CACNA2D1: variants seen among roughly 807,000 people sequenced by gnomAD.
The protein encoded by CACNA2D1 is calcium voltage-gated channel auxiliary subunit alpha2delta 1.
In CACNA2D1, 53 loss-of-function variants were observed where a neutral mutation model predicts 171.5. The observed-to-expected ratio is 0.31, with a 90% CI of 0.25 to 0.39. CACNA2D1 has a LOEUF of 0.39. Among genes scored for constraint, CACNA2D1 ranks in the 10% least tolerant of loss-of-function variants. The pLI is 1.00. For synonymous variants in CACNA2D1, 442 were observed against 443.1 expected, an observed-to-expected ratio of 1.00 and a Z score of 0.03; for missense variants, 903 against 1,299.8, an observed-to-expected ratio of 0.69 and a Z score of 4.69.
intron 3 of CACNA2D1, among the ~76,000 whole-genome samples, chr7:82,313,924 AAAAT>A (rs1210551116): frequency 6.6e-6 from 1 of 152,198 alleles, no homozygotes; most frequent in African/African-American, 2.4e-5. Flanking sequence ...TCAGCACTAA[AAAAT>A]AAAATCATAT....
intron 1 of CACNA2D1, among the ~76,000 whole-genome samples, chr7:82,361,191 A>C (rs1366560558): frequency 2.0e-5 from 3 of 152,194 alleles, no homozygotes. Flanking sequence ...TGAACATTCT[A>C]AACAGAAGAT....
chr7:81,951,969 G>GTTTTTTTTTTTTTTTTTTTTT (rs774805421), intron 38 of CACNA2D1, among the ~76,000 whole-genome samples: 34 of 71,880 alleles, frequency 4.7e-4, no homozygotes, highest in African/African-American at 7.3e-4. Context: ...TGTACAAAGT[G>GTTTTTTTTTTTTTTTTTTTTT]TTTTTTTTTT....
chr7:82,154,624 A>G (rs1315221528), intron 4 of CACNA2D1, among the ~76,000 whole-genome samples: 1 of 152,156 alleles, frequency 6.6e-6, no homozygotes, highest in Non-Finnish European at 1.5e-5. Flanking sequence ...ATGCACACAA[A>G]AAATACATGC....
At chr7:82,349,976 C>T (rs1819665175) in intron 1 of CACNA2D1, among the ~76,000 whole-genome samples, 1 of 152,172 alleles carries the variant, frequency 6.6e-6, no homozygotes, top group Non-Finnish European at 1.5e-5. Flanking sequence ...AAACTACAAA[C>T]TTTATCTTTT....
At chr7:82,436,794 G>T (rs1830146499) in intron 1 of CACNA2D1, among the ~76,000 whole-genome samples, 1 of 152,066 alleles carries the variant, frequency 6.6e-6, no homozygotes, top group Admixed American at 6.6e-5. Flanking sequence ...GTCTGCCTGA[G>T]CCCATTTATT....
chr7:82,187,169 C>G (rs935794908), intron 3 of CACNA2D1, among the ~76,000 whole-genome samples: 1 of 152,064 alleles, frequency 6.6e-6, no homozygotes, highest in Non-Finnish European at 1.5e-5. Flanking sequence ...CTAAAAGAAA[C>G]AAACAAACGC....
chr7:82,059,513 C>G (rs1806344323), intron 10 of CACNA2D1, among the ~76,000 whole-genome samples: 1 of 151,982 alleles, frequency 6.6e-6, no homozygotes, highest in Non-Finnish European at 1.5e-5. Context: ...AATCATACTG[C>G]CAAGTTGCTA....
At chr7:82,009,408 T>A (rs1799488779) in intron 15 of CACNA2D1, 1 of 152,150 alleles carries the variant, frequency 6.6e-6, no homozygotes, top group Non-Finnish European at 1.5e-5. Context: ...GAAACATCCT[T>A]AATTATATAA....
chr7:82,001,629 A>G (rs1003915313), intron 18 of CACNA2D1: 2 of 921,210 alleles, frequency 2.2e-6, no homozygotes, highest in East Asian at 1.1e-4. Flanking sequence ...ATTTGAAAGC[A>G]CTGTTAAGGC....
At chr7:82,344,448 C>T (rs1184396896) in intron 2 of CACNA2D1, among the ~76,000 whole-genome samples, 4 of 151,960 alleles carry the variant, frequency 2.6e-5, no homozygotes, top group East Asian at 1.9e-4. Context: ...AATTAACGGC[C>T]GGAAGAGAAT....
chr7:82,247,876 C>T (rs1239566634), intron 3 of CACNA2D1, among the ~76,000 whole-genome samples: 2 of 152,134 alleles, frequency 1.3e-5, no homozygotes, highest in African/African-American at 4.8e-5. Context: ...AGGGGACGGG[C>T]GAAGTCCCTT....
chr7:82,306,174 T>C (rs1385659662), intron 3 of CACNA2D1, among the ~76,000 whole-genome samples: 5 of 152,172 alleles, frequency 3.3e-5, no homozygotes, highest in African/African-American at 7.2e-5. Context: ...TTTATGTCCC[T>C]GAGAGTCTAC....
At chr7:82,364,465 T>C (rs1821451982) in intron 1 of CACNA2D1, among the ~76,000 whole-genome samples, 1 of 152,194 alleles carries the variant, frequency 6.6e-6, no homozygotes, top group African/African-American at 2.4e-5. Flanking sequence ...TTTAAAGACC[T>C]CCACTCTGTA....
intron 1 of CACNA2D1, among the ~76,000 whole-genome samples, chr7:82,356,115 C>T (rs935728536): frequency 1.3e-5 from 2 of 151,524 alleles, no homozygotes; most frequent in African/African-American, 2.4e-5. Flanking sequence ...GCATTGAGAC[C>T]TTATTTTATA....
intron 1 of CACNA2D1, among the ~76,000 whole-genome samples, chr7:82,356,723 GA>G (rs933488050): frequency 1.0e-4 from 15 of 146,868 alleles, no homozygotes; most frequent in Middle Eastern, 3.6e-3. Flanking sequence ...ATCCACATCA[GA>G]AAAAAAAAAT....
chr7:82,169,848 AG>A (rs1357524350), intron 4 of CACNA2D1, among the ~76,000 whole-genome samples: 9 of 108,254 alleles, frequency 8.3e-5, no homozygotes, highest in African/African-American at 2.5e-4. Flanking sequence ...CTGATTATTA[AG>A]GAATTTTTTT....
At chr7:81,982,359 C>T (rs756741125) in intron 24 of CACNA2D1, among the ~76,000 whole-genome samples, 1 of 152,092 alleles carries the variant, frequency 6.6e-6, no homozygotes, top group Non-Finnish European at 1.5e-5. Flanking sequence ...GATCTTTTGA[C>T]CTTGTGATCC....
intron 3 of CACNA2D1, among the ~76,000 whole-genome samples, chr7:82,196,930 G>C (rs1366445272): frequency 6.6e-6 from 1 of 151,792 alleles, no homozygotes; most frequent in Non-Finnish European, 1.5e-5. Flanking sequence ...TTGGGGAATT[G>C]AGCAAGGGAA....
chr7:82,112,406 A>C (rs1392672595), intron 6 of CACNA2D1, among the ~76,000 whole-genome samples: 1 of 152,224 alleles, frequency 6.6e-6, no homozygotes, highest in Non-Finnish European at 1.5e-5. Flanking sequence ...TTGATGACGC[A>C]GTATGACAAG....
Sources: allele counts gnomAD v4.1 joint callset (sites outside exome capture counted in the v4.1 genomes callset), GRCh38; gene constraint gnomAD v4.1.1; transcripts MANE v1.5; gene names NCBI Gene and HGNC (gene_info 2026-07-23, HGNC 2026-07-21).